The following MET variants were observed in gnomAD, a reference collection of about 807,000 sequenced individuals.
MET encodes the protein hepatocyte growth factor receptor.
Under a neutral mutation model 133.1 loss-of-function variants are expected in MET, and 48 were observed. The ratio of observed to expected loss-of-function variants is 0.36; its 90% CI spans 0.29 to 0.46. The LOEUF (loss-of-function observed/expected upper bound fraction) is 0.46. Among genes scored for constraint, MET ranks in the 20% least tolerant of loss-of-function variants. The pLI, the probability that MET is intolerant of heterozygous loss-of-function variation, is 1.00. For synonymous variants in MET, 628 were observed against 616.5 expected (o/e 1.02, Z -0.28); for missense variants, 1,442 against 1,695.9 (o/e 0.85, Z 2.63).
chr7:116,773,080 A>G (rs370644103), intron 14 of MET, among the ~76,000 whole-genome samples: 3 of 152,028 alleles, frequency 2.0e-5, no homozygotes, highest in South Asian at 2.1e-4. Context: ...TGAAAAAAAA[A>G]CTTACCTAAT....
chr7:116,723,485 C>G (rs2116724948), intron 2 of MET, among the ~76,000 whole-genome samples: 1 of 152,340 alleles, frequency 6.6e-6, no homozygotes. Flanking sequence ...CTCAGCTCGC[C>G]AAAGTCATTC....
At chr7:116,684,156 C>G (rs2116493884) in intron 1 of MET, among the ~76,000 whole-genome samples, 1 of 152,334 alleles carries the variant, frequency 6.6e-6, no homozygotes, top group South Asian at 2.1e-4. Flanking sequence ...TTATGATACC[C>G]AGATAGACAA....
At chr7:116,695,303 C>G (rs936925051) in intron 1 of MET, among the ~76,000 whole-genome samples, 8 of 152,204 alleles carry the variant, frequency 5.3e-5, no homozygotes, top group Admixed American at 5.2e-4. Context: ...CAAATTGTCC[C>G]TAATCCTTTT....
intron 2 of MET, among the ~76,000 whole-genome samples, chr7:116,719,686 C>G (rs2116703976): frequency 6.6e-6 from 1 of 152,226 alleles, no homozygotes; most frequent in South Asian, 2.1e-4. Context: ...AGGAAGGGAT[C>G]CAGTTTCAGC....
intron 17 of MET, among the ~76,000 whole-genome samples, chr7:116,779,595 A>T (rs2117051885): frequency 6.6e-6 from 1 of 152,268 alleles, no homozygotes; most frequent in East Asian, 1.9e-4. Flanking sequence ...CTGTCATCTG[A>T]TACATGCATG....
chr7:116,742,384 T>G (rs1793493340), intron 5 of MET, among the ~76,000 whole-genome samples: 1 of 152,256 alleles, frequency 6.6e-6, no homozygotes, highest in Non-Finnish European at 1.5e-5. Context: ...AGTATACTTT[T>G]GGAACCGTAT....
intron 10 of MET, among the ~76,000 whole-genome samples, chr7:116,761,468 T>C (rs1794395831): frequency 6.6e-6 from 1 of 151,920 alleles, no homozygotes; most frequent in Non-Finnish European, 1.5e-5. Context: ...ATTGAACCCA[T>C]TTATTATTTA....
At chr7:116,787,472 G>A (rs192365606) in intron 19 of MET, among the ~76,000 whole-genome samples, 106 of 152,330 alleles carry the variant, frequency 7.0e-4, no homozygotes, top group South Asian at 1.7e-3. Flanking sequence ...GGGGCCACAT[G>A]TGCTGAAGGT....
intron 1 of MET, among the ~76,000 whole-genome samples, chr7:116,696,069 G>A (rs1482953958): frequency 1.3e-5 from 2 of 152,060 alleles, no homozygotes; most frequent in Non-Finnish European, 2.9e-5. Context: ...GGGGTTCACA[G>A]TGTTGGTCAG....
chr7:116,797,933 CAG>C lies in MET; in HGVS notation c.*1813_*1814del. 4.5e-6 allele frequency: 1 copy of C among 221,522 alleles called. No homozygotes were observed. Among genetic ancestry groups the C allele is most frequent in the Non-Finnish European group, 9.0e-6 (1 of 110,562 alleles). The allele number at this position is 221,522 out of a possible 1,614,324, so 13.7% of individuals were successfully genotyped here. A position where few individuals can be genotyped will look rare whatever the true frequency, so the allele number is the denominator to read the frequency against. On this transcript the variant is annotated 3_prime_UTR_variant, in exon 21 of 21. Coordinates refer to ENST00000397752, the MANE Select transcript of MET (RefSeq NM_000245.4). The stretch of plus-strand genomic sequence containing the variant: ...TATAACTAAAAGCTCTCTGATAGTG[CAG>C]AGACTTACCAGAAGACACAAGGAAT...
Position 116,783,262 on chromosome 7 carries a change from T to C in MET, c.3633-42T>C, listed in dbSNP as rs776571309. 4.3e-6 allele frequency: 7 copies of C among 1,611,716 alleles called. No homozygotes were observed. The Admixed American group carries it at 1.2e-4, about 27-fold the overall frequency. On this transcript the variant is annotated intron_variant, in intron 18 of 20. Transcript: ENST00000397752. ...AGATATTCAGCATCATTGTAAATTA[T>C]TCTATTTCAGCCACGGGTAATAATT...
intron 3 of MET, among the ~76,000 whole-genome samples, chr7:116,739,435 G>A (rs571363146): frequency 1.3e-5 from 2 of 152,256 alleles, no homozygotes; most frequent in African/African-American, 4.8e-5. Flanking sequence ...GTAGCTGGGG[G>A]CCTGTTTTGA....
chr7:116,716,332 A>G (rs941074853), intron 2 of MET, among the ~76,000 whole-genome samples: 1 of 136,984 alleles, frequency 7.3e-6, no homozygotes, highest in Non-Finnish European at 1.6e-5. Context: ...AGAGAGAGAG[A>G]GAGAGAAAAG....
rs138649688 is a variant in MET, at chr7:116,674,898, CT to C, written c.-15+2323del. 9.6e-3 allele frequency among the ~76,000 whole-genome samples: 1,460 copies of C among 152,258 alleles called. 24 individuals carry two copies. Among genetic ancestry groups the C allele is most frequent in the African/African-American group, 0.034 (1,393 of 41,544 alleles). ...CCGTGGTCTAAATCCCTAAGATTTC[CT>C]TGGTCTGCTGTGTTTATTCATAGGA... On this transcript the variant is annotated intron_variant, in intron 1 of 20. Transcript: ENST00000397752.
At chr7:116,705,140 C>A (rs931039749) in intron 2 of MET, among the ~76,000 whole-genome samples, 13 of 151,972 alleles carry the variant, frequency 8.6e-5, no homozygotes, top group African/African-American at 3.1e-4. Flanking sequence ...AATAAACATA[C>A]AGTGATGTTT....
intron 5 of MET, among the ~76,000 whole-genome samples, chr7:116,742,506 A>G (rs1793499766): frequency 6.6e-6 from 1 of 152,238 alleles, no homozygotes; most frequent in African/African-American, 2.4e-5. Context: ...GTGCCCATGC[A>G]ATTAAATCAC....
rs1365463670 is a variant in MET at position 116,672,276 on chromosome 7, C to A, written c.-316C>A. ...TCCGGCCCCAACGCGCCCGGGCCGC[C>A]GCGGGCCGCGCGCGCCGATGCCCGG... is the stretch of plus-strand genomic sequence containing the variant. On this transcript the variant is annotated 5_prime_UTR_variant, in exon 1 of 21. Coordinates refer to ENST00000397752, the MANE Select transcript of MET (RefSeq NM_000245.4). 5.7e-6 allele frequency: 1 copy of A among 174,132 alleles called. No individual in the cohort carries two copies. Among genetic ancestry groups the A allele is most frequent in the Non-Finnish European group, 1.2e-5 (1 of 83,654 alleles). The allele number at this position is 174,132 out of a possible 1,614,324, so 10.8% of individuals were successfully genotyped here.
Position 116,683,444 on chromosome 7 carries a change from C to G in MET, c.-15+10867C>G, listed in dbSNP as rs139400929. Among the ~76,000 whole-genome samples, 516 of 152,222 alleles carry G rather than the reference C, an allele frequency of 3.4e-3. 2 individuals are homozygous for G. Among genetic ancestry groups the G allele is most frequent in the African/African-American group, 0.012 (480 of 41,542 alleles). ...CATGGCTTCTCTATTTTTCATTCAC[C>G]TCTTACTCAACTTACTGATTCTTCT... On this transcript the variant is annotated intron_variant, in intron 1 of 20. Transcript: ENST00000397752.
Position 116,731,734 on chromosome 7 carries a change from G to A in MET, c.1267G>A (p.Ala423Thr), listed in dbSNP as rs922296506. 1 of 1,614,104 alleles carries A rather than the reference G, an allele frequency of 6.2e-7. No homozygotes were observed. Among genetic ancestry groups the A allele is most frequent in the Non-Finnish European group, 8.5e-7 (1 of 1,179,984 alleles). Residue 423 changes from alanine to threonine, a missense_variant, in exon 3 of 21, where the codon GCT (alanine) becomes ACT (threonine). By Grantham distance (58) the Ala-to-Thr change is moderately conservative (BLOSUM62 0). Transcript: ENST00000397752. ...RDEYRTEFTTALQRVDLFMGQ... is the reference protein window; with the variant it reads ...RDEYRTEFTTTLQRVDLFMGQ... ...TGAATATCGAACAGAGTTTACCACA[G>A]CTTTGCAGCGCGTTGACTTATTCAT...
Sources: allele counts gnomAD v4.1 joint callset (sites outside exome capture counted in the v4.1 genomes callset), GRCh38; gene constraint gnomAD v4.1.1; transcripts MANE v1.5; gene names NCBI Gene and HGNC (gene_info 2026-07-23, HGNC 2026-07-21).